P3H3: variants seen among roughly 807,000 people sequenced by gnomAD.
P3H3 encodes gene rich cluster, B.
In P3H3, 64 loss-of-function variants were observed where a neutral mutation model predicts 78.1. The ratio of observed to expected loss-of-function variants is 0.82; its 90% CI spans 0.67 to 1.01. The LOEUF is 1.01. Ranked by LOEUF, P3H3 falls within the 50% of genes least tolerant of loss-of-function variation. P3H3 has a pLI of 0.00. For missense variants in P3H3, 975 were observed against 982.2 expected, an observed-to-expected ratio of 0.99 and a Z score of 0.10; for synonymous variants, 425 against 416.7, an observed-to-expected ratio of 1.02 and a Z score of -0.24.
rs376984877 is a variant in P3H3 at position 6,837,025 on chromosome 12, G to T, written c.1499G>T (p.Arg500Leu). 1 of 1,609,454 alleles carries T rather than the reference G, an allele frequency of 6.2e-7. No individual in the cohort carries two copies. Residue 500 changes from arginine to leucine, a missense_variant, in exon 10 of 15, where the codon CGC becomes CTC. Arg to Leu is a moderately radical substitution (Grantham distance 102, BLOSUM62 -2). Coordinates refer to ENST00000290510, the MANE Select transcript of P3H3 (RefSeq NM_014262.5). ...GGAGCCAGGTCTGGCTATCGTGGTC[G>T]CCGCTCCCCTCACACCCCCCATGAA... ...GAGARSGYRG[R>L]RSPHTPHERF...
At position 6,837,482 on chromosome 12, in the gene P3H3, G is replaced by A; in HGVS notation, c.1620G>A (p.Glu540=). The change falls in exon 11 of 15, where the codon GAG becomes GAA. Residue 540 remains glutamate (E), a synonymous_variant. Transcript: ENST00000290510. The part of the protein sequence containing the change: ...QGAKLLLEVS[E]RVRTLTQAYF... ...CTAAGCTGCTTCTGGAGGTGAGCGA[G>A]CGGGTGCGGACCTTGACCCAGGCCT... The A allele has an allele frequency of 1.9e-6, 3 of 1,611,556 alleles. No individual in the cohort carries two copies. The highest frequency in any genetic ancestry group is 2.5e-6 in the Non-Finnish European group (3 of 1,179,004).
At position 6,829,971 on chromosome 12, in the gene P3H3, G is replaced by A. The variant is rs1555121064; in HGVS notation, c.611G>A (p.Arg204Gln). The A allele has an allele frequency of 3.7e-6, 6 of 1,613,842 alleles. No individual in the cohort carries two copies. Among genetic ancestry groups the A allele is most frequent in the Non-Finnish European group, 5.1e-6 (6 of 1,179,876 alleles). Residue 204 changes from arginine (R) to glutamine (Q), a missense_variant, in exon 2 of 15, where the codon CGG becomes CAG. Coordinates refer to ENST00000290510, the MANE Select transcript of P3H3 (RefSeq NM_014262.5). The surrounding 1 kb of genome is among the most constrained non-coding windows in gnomAD (Gnocchi z 5.1). Reference protein sequence around the residue: ...MAKYRRMSGVRPQSFRDLETP... With the variant: ...MAKYRRMSGVQPQSFRDLETP... ...AAGTACAGACGAATGTCGGGAGTTC[G>A]GCCCCAGAGCTTCCGGGACCTGGAG... is the stretch of plus-strand genomic sequence containing the variant.
chr12:6,829,094 C>G lies in P3H3; in HGVS notation c.498+156C>G, dbSNP rs1385843969. 2.3e-6 allele frequency: 1 copy of G among 428,636 alleles called. No homozygotes were observed. The highest frequency in any genetic ancestry group is 2.0e-5 in the African/African-American group (1 of 49,126). The allele number at this position is 428,636 out of a possible 1,614,324, so 26.6% of individuals were successfully genotyped here. A position where few individuals can be genotyped will look rare whatever the true frequency, so the allele number is the denominator to read the frequency against. On this transcript the variant is annotated intron_variant, in intron 1 of 14. Transcript: ENST00000290510. The surrounding 1 kb of genome is among the most constrained non-coding windows in gnomAD (Gnocchi z 5.1). ...CTCTGCGTAGGAGCTGGCTAAGCGA[C>G]CGCGAGGACCTCTTGAGATCGCAGA...
chr12:6,829,975 C>T lies in P3H3; in HGVS notation c.615C>T (p.Pro205=), dbSNP rs75349385. The T allele has an allele frequency of 4.7e-4, 754 of 1,613,980 alleles. 3 individuals carry two copies. The highest frequency in any genetic ancestry group is 4.4e-4 in the Non-Finnish European group (515 of 1,179,886). The stretch of plus-strand genomic sequence containing the variant: ...ACAGACGAATGTCGGGAGTTCGGCC[C>T]CAGAGCTTCCGGGACCTGGAGACGC... The part of the protein sequence containing the change: ...AKYRRMSGVR[P]QSFRDLETPP... The change falls in exon 2 of 15, where the codon CCC becomes CCT. Residue 205 remains proline, a synonymous_variant. Coordinates refer to ENST00000290510, the MANE Select transcript of P3H3 (RefSeq NM_014262.5). This position sits in a 1 kb window ranked among gnomAD's most constrained non-coding sequence, Gnocchi z 5.1.
intron 6 of P3H3, among the ~76,000 whole-genome samples, chr12:6,832,496 A>G (rs1222142710): frequency 2.6e-5 from 4 of 152,214 alleles, no homozygotes; most frequent in Non-Finnish European, 5.9e-5. Context: ...CCCCTGAGTC[A>G]TGGCAATCAA....
Position 6,828,430 on chromosome 12 carries a change from G to C in P3H3, c.-11G>C, listed in dbSNP as rs1555120750. The C allele has an allele frequency of 1.5e-6, 1 of 665,828 alleles. No individual in the cohort carries two copies. The highest frequency in any genetic ancestry group is 2.0e-5 in the South Asian group (1 of 49,850). 41.2% of individuals were successfully genotyped at this position (665,828 alleles called of 1,614,324 possible). On this transcript the variant is annotated 5_prime_UTR_variant, in exon 1 of 15. Transcript: ENST00000290510. ...CCGCATTTCCCCTCGGCTGCCGGCGGCTCCGACATCATGCTCCGGCTCCTC... is the reference window on the plus strand; with the variant it reads ...CCGCATTTCCCCTCGGCTGCCGGCGCCTCCGACATCATGCTCCGGCTCCTC...
At chr12:6,837,354 A>G in intron 10 of P3H3, 69 bp from the exon 11 acceptor site, 1 of 1,538,288 alleles carries the variant, frequency 6.5e-7, no homozygotes, top group Non-Finnish European at 8.8e-7. Context: ...AGAGTTGGGC[A>G]GGGGCTAGGG....
At position 6,831,168 on chromosome 12, in the gene P3H3, C is replaced by T. The variant is rs782539112; in HGVS notation, c.986-48C>T. 21 of 1,611,086 alleles carry T rather than the reference C, an allele frequency of 1.3e-5. No homozygotes were observed. Among genetic ancestry groups the T allele is most frequent in the Non-Finnish European group, 1.8e-5 (21 of 1,177,640 alleles). On this transcript the variant is annotated intron_variant, in intron 4 of 14. Transcript: ENST00000290510. This position sits in a 1 kb window ranked among gnomAD's most constrained non-coding sequence, Gnocchi z 4.6. The stretch of plus-strand genomic sequence containing the variant: ...TGCCTCTGCCCCAAGGATCAATGTG[C>T]TCTAAGTATTCATCCCCCAACCCCT...
Position 6,839,619 on chromosome 12 carries a change from C to A in P3H3, c.*158C>A. On this transcript the variant is annotated 3_prime_UTR_variant, in exon 15 of 15. Transcript: ENST00000290510. ...TCTTGGGGACCTACAAGGGCCTGGA[C>A]TCAGAGGACAGTGCACAGGCTAGCC... 1.0e-6 allele frequency: 1 copy of A among 956,538 alleles called. No homozygotes were observed. Among genetic ancestry groups the A allele is most frequent in the Non-Finnish European group, 1.5e-6 (1 of 661,448 alleles). 59.3% of individuals were successfully genotyped at this position (956,538 alleles called of 1,614,324 possible). A position where few individuals can be genotyped will look rare whatever the true frequency, so the allele number is the denominator to read the frequency against.
Position 6,837,585 on chromosome 12 carries a change from A to AC in P3H3, c.1711+18dup, listed in dbSNP as rs781869238. 9.9e-6 allele frequency: 16 copies of AC among 1,610,124 alleles called. No individual in the cohort carries two copies. The highest frequency in any genetic ancestry group is 1.7e-4 in the Middle Eastern group (1 of 6,050). On this transcript the variant is annotated intron_variant, in intron 11 of 14. Coordinates refer to ENST00000290510, the MANE Select transcript of P3H3 (RefSeq NM_014262.5). ...CAGCGCCATAGAAGGTACGACAGGG[A>AC]CCCCCCACTGCTCTTCTCCAACCTC... is the stretch of plus-strand genomic sequence containing the variant.
chr12:6,828,914 C>A lies in P3H3; in HGVS notation c.474C>A (p.Asn158Lys), dbSNP rs1326198011. 1 of 1,244,912 alleles carries A rather than the reference C, an allele frequency of 8.0e-7. No homozygotes were observed. Among genetic ancestry groups the A allele is most frequent in the African/African-American group, 1.5e-5 (1 of 64,612 alleles). 77.1% of individuals were successfully genotyped at this position (1,244,912 alleles called of 1,614,324 possible). ...RDAFRRREPYNYLQRAYYQLK... is the reference protein window; with the variant it reads ...RDAFRRREPYKYLQRAYYQLK... ...CCTTCCGCCGTCGGGAGCCCTACAA[C>A]TACCTGCAGAGGGCCTATTACCAGG... The change falls in exon 1 of 15, where the codon AAC (asparagine) becomes AAA (lysine). Residue 158 changes from asparagine (N) to lysine (K), a missense_variant. Physicochemically the swap from Asn to Lys is moderately conservative, Grantham distance 94 (BLOSUM62 0). Transcript: ENST00000290510.
chr12:6,828,480 C>A lies in P3H3; in HGVS notation c.40C>A (p.Leu14Met). 7.8e-7 allele frequency: 1 copy of A among 1,287,154 alleles called. No homozygotes were observed. The highest frequency in any genetic ancestry group is 1.0e-6 in the Non-Finnish European group (1 of 960,140). The allele number at this position is 1,287,154 out of a possible 1,614,324, so 79.7% of individuals were successfully genotyped here. A position where few individuals can be genotyped will look rare whatever the true frequency, so the allele number is the denominator to read the frequency against. Residue 14 changes from leucine (L) to methionine (M), a missense_variant, in exon 1 of 15, where the codon CTG becomes ATG. Coordinates refer to ENST00000290510, the MANE Select transcript of P3H3 (RefSeq NM_014262.5). The stretch of plus-strand genomic sequence containing the variant: ...CCGGCCGCTGCTGCTACTGCTGCTG[C>A]TGCCTCCCCCGGGGTCCCCTGAGCC... ...LLRPLLLLLLLPPPGSPEPPG... is the reference protein window; with the variant it reads ...LLRPLLLLLLMPPPGSPEPPG...
chr12:6,835,918 G>T (rs1555122056), intron 9 of P3H3, among the ~76,000 whole-genome samples: 1 of 152,122 alleles, frequency 6.6e-6, no homozygotes, highest in Non-Finnish European at 1.5e-5. Flanking sequence ...ACCCGGAAAA[G>T]GGGAGTAATT....
At chr12:6,834,160 G>A in intron 9 of P3H3, 111 bp downstream of exon 9, 1 of 1,513,778 alleles carries the variant, frequency 6.6e-7, no homozygotes, top group Non-Finnish European at 8.9e-7. Flanking sequence ...TATCCAACCG[G>A]GACTGTGCTT....
intron 10 of P3H3, 67 bp from the exon 11 acceptor site, chr12:6,837,356 G>C (rs1943508779): frequency 6.5e-7 from 1 of 1,540,978 alleles, no homozygotes; most frequent in Admixed American, 1.9e-5. Flanking sequence ...AGTTGGGCAG[G>C]GGCTAGGGCC....
At position 6,829,732 on chromosome 12, in the gene P3H3, C is replaced by T; in HGVS notation, c.499-127C>T. ...TCGGGCGGTGGGCGGTTCTGATTGG[C>T]CAGTCTTCCATGAGGCTCTGGGGCA... is the stretch of plus-strand genomic sequence containing the variant. On this transcript the variant is annotated intron_variant, in intron 1 of 14. Transcript: ENST00000290510. The surrounding 1 kb of genome is among the most constrained non-coding windows in gnomAD (Gnocchi z 5.1). The T allele has an allele frequency of 3.1e-6, 3 of 975,924 alleles. No homozygotes were observed. Among genetic ancestry groups the T allele is most frequent in the African/African-American group, 1.6e-5 (1 of 60,798 alleles). The allele number at this position is 975,924 out of a possible 1,614,324, so 60.5% of individuals were successfully genotyped here.
rs915610446 is a variant in P3H3, at chr12:6,828,878, G to A, written c.438G>A (p.Ala146=). Residue 146 remains alanine, a synonymous_variant, in exon 1 of 15, where the codon GCG becomes GCA. Coordinates refer to ENST00000290510, the MANE Select transcript of P3H3 (RefSeq NM_014262.5). ...CGGCGCGGCTTCGCGTGGGGAGCGC[G>A]CTCCGGGACGCCTTCCGCCGTCGGG... The part of the protein sequence containing the change: ...GGAARLRVGS[A]LRDAFRRREP... The A allele has an allele frequency of 8.0e-7, 1 of 1,247,102 alleles. No homozygotes were observed. The allele number at this position is 1,247,102 out of a possible 1,614,324, so 77.3% of individuals were successfully genotyped here.
intron 9 of P3H3, chr12:6,834,866 A>G (rs2137964279): frequency 6.7e-6 from 1 of 148,526 alleles, no homozygotes; most frequent in Middle Eastern, 3.5e-3. Flanking sequence ...TGAACCCGGG[A>G]GGCGGAGGTT....
chr12:6,832,138 A>C (rs1324988606), intron 6 of P3H3, among the ~76,000 whole-genome samples: 3 of 152,208 alleles, frequency 2.0e-5, no homozygotes, highest in Non-Finnish European at 4.4e-5. Context: ...CTGAACTTCA[A>C]CTTGCCTCTG....
Sources: gnomAD v4.1 joint callset for allele counts (sites outside exome capture counted in the v4.1 genomes callset) on GRCh38, gnomAD v4.1.1 for gene constraint, Gnocchi (gnomAD v3.1) non-coding constraint, MANE v1.5 for transcripts, NCBI Gene and HGNC (gene_info 2026-07-23, HGNC 2026-07-21) for gene names.